Variants in VPS33A observed in about 807,000 individuals in gnomAD.
VPS33A encodes VPS33A core subunit of CORVET and HOPS complexes, also known as vacuolar protein sorting-associated protein 33A.
A neutral mutation model predicts 71.8 loss-of-function variants in VPS33A; 32 were observed. That is an observed-to-expected ratio of 0.45 (90% confidence interval 0.34 to 0.60). The LOEUF (loss-of-function observed/expected upper bound fraction) is 0.60, where lower values mean the gene tolerates loss of function less well. Among genes scored for constraint, VPS33A ranks in the 20% least tolerant of loss-of-function variants. The probability of loss-of-function intolerance (pLI) is 0.02; values close to 1 mark genes in which losing one functional copy is unlikely to be tolerated. For missense variants in VPS33A, 625 were observed against 748.5 expected, an observed-to-expected ratio of 0.84 and a Z score of 1.92; for synonymous variants, 311 against 292.7, an observed-to-expected ratio of 1.06 and a Z score of -0.64.
At chr12:122,235,126 C>T (rs1593193321) in intron 11 of VPS33A, among the ~76,000 whole-genome samples, 1 of 152,038 alleles carries the variant, frequency 6.6e-6, no homozygotes, top group Non-Finnish European at 1.5e-5. Flanking sequence ...CATACTACCA[C>T]TGGCCATTTT....
chr12:122,241,654 G>A (rs140866980), intron 8 of VPS33A, among the ~76,000 whole-genome samples: 20 of 151,584 alleles, frequency 1.3e-4, no homozygotes, highest in Non-Finnish European at 2.2e-4. Context: ...GTGCAGTGGC[G>A]TGATTTCAGC....
intron 10 of VPS33A, among the ~76,000 whole-genome samples, chr12:122,237,238 T>C (rs1291680967): frequency 1.3e-5 from 2 of 152,190 alleles, no homozygotes. Flanking sequence ...GCTAAGCAAC[T>C]GTCATCAGAA....
At chr12:122,257,389 T>C (rs1592928701) in intron 4 of VPS33A, among the ~76,000 whole-genome samples, 1 of 133,076 alleles carries the variant, frequency 7.5e-6, no homozygotes, top group East Asian at 2.3e-4. Flanking sequence ...ACTGTGCCAC[T>C]GCACTCCAGC....
chr12:122,248,355 G>A (rs1415474194), intron 6 of VPS33A: 1 of 152,200 alleles, frequency 6.6e-6, no homozygotes, highest in African/African-American at 2.4e-5. Flanking sequence ...GTGAGGCAGG[G>A]AGCTCTAGAC....
chr12:122,251,061 G>A lies in VPS33A; in HGVS notation c.522C>T (p.His174=), dbSNP rs139619652. The A allele has an allele frequency of 5.0e-5, 80 of 1,614,060 alleles. No homozygotes were observed. Among genetic ancestry groups the A allele is most frequent in the Middle Eastern group, 1.6e-4 (1 of 6,084 alleles). ...YLEGDQTSLY[H]AAKGLMTLQA... ...GCAGGGTCATCAGCCCCTTGGCTGC[G>A]TGGTACAGGCTCGTCTGGTCACCCT... is the stretch of plus-strand genomic sequence containing the variant. The change falls in exon 5 of 13, where the codon CAC becomes CAT. Residue 174 remains histidine (H), a synonymous_variant. Coordinates refer to ENST00000267199, the MANE Select transcript of VPS33A (RefSeq NM_022916.6).
At chr12:122,235,951 G>A in intron 10 of VPS33A, 28 bp from the exon 11 acceptor site, 1 of 1,578,722 alleles carries the variant, frequency 6.3e-7, no homozygotes, top group South Asian at 1.2e-5. Context: ...TGGCCTTGAT[G>A]TCAGATCAGG....
In VPS33A at chr12:122,261,306, T is replaced by C. The variant is rs750550791; in HGVS notation, c.438A>G (p.Pro146=). The part of the protein sequence containing the change: ...HREEYSLDLI[P]FDGDLLSMES... ...CCATGGATAAGAGATCCCCATCGAA[T>C]GGAATGAGATCTAAGCTGTACTCCT... The change falls in exon 4 of 13, where the codon CCA becomes CCG. Residue 146 remains proline (P), a synonymous_variant. Coordinates refer to ENST00000267199, the MANE Select transcript of VPS33A (RefSeq NM_022916.6). The C allele has an allele frequency of 6.2e-7, 1 of 1,611,844 alleles. No homozygotes were observed. The highest frequency in any genetic ancestry group is 1.1e-5 in the South Asian group (1 of 90,604).
intron 4 of VPS33A, among the ~76,000 whole-genome samples, chr12:122,251,442 T>C (rs1372373004): frequency 6.6e-6 from 1 of 152,160 alleles, no homozygotes; most frequent in African/African-American, 2.4e-5. Flanking sequence ...TGGGTTCCCA[T>C]TCACTGGTGA....
At chr12:122,235,051 T>C (rs888347659) in intron 11 of VPS33A, among the ~76,000 whole-genome samples, 2 of 151,776 alleles carry the variant, frequency 1.3e-5, no homozygotes, top group Non-Finnish European at 2.9e-5. Flanking sequence ...GGCACAAACA[T>C]GGTTCACTGC....
chr12:122,242,236 A>T, intron 8 of VPS33A, 146 bp downstream of exon 8: 1 of 1,010,846 alleles, frequency 9.9e-7, no homozygotes, highest in Non-Finnish European at 1.4e-6. Flanking sequence ...TAACATATGT[A>T]TACTTCATTA....
chr12:122,257,193 G>A lies in VPS33A; in HGVS notation c.483+4068C>T, dbSNP rs190068086. ...TGTAATTCCAGCACTTTCAGAGGCC[G>A]AGGCAGGTGGATCATCTGAGGTCAG... On this transcript the variant is annotated intron_variant, in intron 4 of 12. Coordinates refer to ENST00000267199, the MANE Select transcript of VPS33A (RefSeq NM_022916.6). 1.2e-3 allele frequency among the ~76,000 whole-genome samples: 177 copies of A among 152,112 alleles called. 3 individuals are homozygous for A. Among genetic ancestry groups the A allele is most frequent in the African/African-American group, 4.1e-3 (168 of 41,446 alleles).
At chr12:122,246,606 G>T (rs6488875) in intron 6 of VPS33A, among the ~76,000 whole-genome samples, 67,995 of 150,190 alleles carry the variant, frequency 0.45, 17,341 homozygotes, top group African/African-American at 0.69. Context: ...GCCACTTTTT[G>T]GTTTTTTAAT....
intron 9 of VPS33A, 96 bp downstream of exon 9, chr12:122,239,777 AAAGGC>A: frequency 8.0e-6 from 5 of 627,232 alleles, no homozygotes; most frequent in Admixed American, 3.2e-5. Context: ...AAAAAAAAAA[AAAGGC>A]AAGGCATGGG....
intron 6 of VPS33A, among the ~76,000 whole-genome samples, chr12:122,245,638 G>A (rs1279514629): frequency 6.6e-6 from 1 of 152,048 alleles, no homozygotes. Flanking sequence ...TAGAGACAGG[G>A]TTTCACCATG....
At chr12:122,247,571 C>T (rs754321689) in intron 6 of VPS33A, among the ~76,000 whole-genome samples, 3 of 152,140 alleles carry the variant, frequency 2.0e-5, no homozygotes, top group Non-Finnish European at 2.9e-5. Context: ...CGTGTGGAAA[C>T]GCCTCCTCAT....
In VPS33A at chr12:122,250,137, A is replaced by G. The variant is rs576430704; in HGVS notation, c.601-92T>C. 6.0e-6 allele frequency: 8 copies of G among 1,330,842 alleles called. No homozygotes were observed. In the South Asian group the frequency reaches 9.2e-5, roughly 15 times the overall value. The allele number at this position is 1,330,842 out of a possible 1,614,324, so 82.4% of individuals were successfully genotyped here. A position where few individuals can be genotyped will look rare whatever the true frequency, so the allele number is the denominator to read the frequency against. The stretch of plus-strand genomic sequence containing the variant: ...AACCAGAAAGACAATCAAAAAAGTA[A>G]AAAAGGAGAAAAACTGGAAGAGTGC... On this transcript the variant is annotated intron_variant, in intron 5 of 12. Transcript: ENST00000267199.
intron 1 of VPS33A, among the ~76,000 whole-genome samples, chr12:122,265,295 C>A (rs924047218): frequency 6.6e-6 from 1 of 152,104 alleles, no homozygotes; most frequent in Non-Finnish European, 1.5e-5. Flanking sequence ...TTGGACCATA[C>A]AGAGTGAAAG....
intron 11 of VPS33A, among the ~76,000 whole-genome samples, chr12:122,233,438 C>G (rs577440142): frequency 3.3e-5 from 5 of 152,140 alleles, no homozygotes; most frequent in Non-Finnish European, 7.3e-5. Flanking sequence ...GTTGGCCAGG[C>G]TGGTCTTGAA....
chr12:122,262,283 A>G (rs1393320518), intron 3 of VPS33A, among the ~76,000 whole-genome samples: 1 of 152,202 alleles, frequency 6.6e-6, no homozygotes, highest in African/African-American at 2.4e-5. Context: ...AGCATCACTG[A>G]GTCCTGGCGA....
Sources: gnomAD v4.1 joint callset for allele counts (sites outside exome capture counted in the v4.1 genomes callset) on GRCh38, gnomAD v4.1.1 for gene constraint, MANE v1.5 for transcripts, NCBI Gene and HGNC (gene_info 2026-07-23, HGNC 2026-07-21) for gene names.